Variants in RBM47 observed in about 807,000 individuals in gnomAD.
RBM47 encodes RNA-binding protein 47.
Under a neutral mutation model 47.1 loss-of-function variants are expected in RBM47, and 21 were observed. The observed-to-expected ratio is 0.45, with a 90% CI of 0.32 to 0.64. The LOEUF is 0.64. RBM47 is among the 30% of genes least tolerant of loss of function. The pLI is 0.05. For synonymous variants in RBM47, 375 were observed against 361.7 expected, an observed-to-expected ratio of 1.04 and a Z score of -0.42; for missense variants, 708 against 870.9, an observed-to-expected ratio of 0.81 and a Z score of 2.35.
At chr4:40,500,775 A>T (rs1723253198) in intron 2 of RBM47, among the ~76,000 whole-genome samples, 1 of 152,216 alleles carries the variant, frequency 6.6e-6, no homozygotes, top group South Asian at 2.1e-4. Context: ...ATTTTAAAAA[A>T]TAATTTAGCA....
intron 2 of RBM47, among the ~76,000 whole-genome samples, chr4:40,528,272 G>A (rs1577889079): frequency 2.0e-5 from 3 of 152,076 alleles, no homozygotes; most frequent in South Asian, 4.1e-4. Context: ...TTAGTTGGGC[G>A]TGGTGGCACG....
chr4:40,499,993 T>A (rs1484121979), intron 2 of RBM47, among the ~76,000 whole-genome samples: 1 of 152,220 alleles, frequency 6.6e-6, no homozygotes, highest in Non-Finnish European at 1.5e-5. Flanking sequence ...TAGCTGTGCT[T>A]AAACAATTCT....
chr4:40,482,188 C>T (rs931127189), intron 2 of RBM47, among the ~76,000 whole-genome samples: 1 of 152,202 alleles, frequency 6.6e-6, no homozygotes, highest in Non-Finnish European at 1.5e-5. Flanking sequence ...ATTGCTAAGA[C>T]AGATCAGAGT....
intron 1 of RBM47, among the ~76,000 whole-genome samples, chr4:40,550,916 A>C (rs1729503259): frequency 6.6e-6 from 1 of 152,186 alleles, no homozygotes. Context: ...GCAAAAAAAA[A>C]AAAACTTCCT....
At chr4:40,431,622 C>A (rs909446075) in intron 6 of RBM47, among the ~76,000 whole-genome samples, 1 of 148,180 alleles carries the variant, frequency 6.7e-6, no homozygotes. Context: ...GGCGCCACTG[C>A]GCTCCAGCCT....
At chr4:40,548,988 A>T (rs1321886707) in intron 1 of RBM47, among the ~76,000 whole-genome samples, 1 of 151,692 alleles carries the variant, frequency 6.6e-6, no homozygotes, top group East Asian at 2.0e-4. Flanking sequence ...ATTATGATCA[A>T]TGAGAAAATG....
chr4:40,468,222 G>A (rs1296080092), intron 2 of RBM47, among the ~76,000 whole-genome samples: 6 of 152,166 alleles, frequency 3.9e-5, no homozygotes, highest in Non-Finnish European at 5.9e-5. Flanking sequence ...GGGATGCGGA[G>A]GCTGCAGTGA....
At chr4:40,542,944 G>A (rs776116678) in intron 2 of RBM47, 2 of 152,188 alleles carry the variant, frequency 1.3e-5, no homozygotes, top group African/African-American at 2.4e-5. Context: ...AAGTAGCCCT[G>A]TGGGGACAGC....
At chr4:40,584,181 T>C (rs1733313369) in intron 1 of RBM47, among the ~76,000 whole-genome samples, 1 of 152,136 alleles carries the variant, frequency 6.6e-6, no homozygotes, top group Non-Finnish European at 1.5e-5. Flanking sequence ...CCAGGCTGGT[T>C]TTGATCTACT....
At chr4:40,508,216 G>A (rs1724392882) in intron 2 of RBM47, among the ~76,000 whole-genome samples, 1 of 152,200 alleles carries the variant, frequency 6.6e-6, no homozygotes, top group East Asian at 1.9e-4. Context: ...CAGCCTCACT[G>A]TAAAGTCATA....
intron 1 of RBM47, among the ~76,000 whole-genome samples, chr4:40,612,289 T>C (rs62301881): frequency 0.11 from 16,571 of 152,234 alleles, 978 homozygotes; most frequent in South Asian, 0.12. Flanking sequence ...CCCAGCACTT[T>C]GGAAGGCCGA....
At chr4:40,593,468 G>C (rs1159347414) in intron 1 of RBM47, among the ~76,000 whole-genome samples, 1 of 152,082 alleles carries the variant, frequency 6.6e-6, no homozygotes, top group African/African-American at 2.4e-5. Context: ...CCTGCCAAGG[G>C]AATCGCTTAG....
intron 2 of RBM47, among the ~76,000 whole-genome samples, chr4:40,467,628 A>G (rs953593900): frequency 1.3e-5 from 2 of 152,064 alleles, no homozygotes; most frequent in Non-Finnish European, 2.9e-5. Context: ...TCGCATGGAG[A>G]GGCCCATGAA....
At chr4:40,494,511 T>C (rs1359315101) in intron 2 of RBM47, among the ~76,000 whole-genome samples, 1 of 152,174 alleles carries the variant, frequency 6.6e-6, no homozygotes, top group Non-Finnish European at 1.5e-5. Context: ...GTCAGTAATC[T>C]GTGGGAGGGC....
chr4:40,545,685 A>ATAAATAAAT (rs1553899574), intron 1 of RBM47, among the ~76,000 whole-genome samples: 6 of 150,624 alleles, frequency 4.0e-5, no homozygotes, highest in Admixed American at 4.0e-4. Context: ...AAATAAATAA[A>ATAAATAAAT]TAAATAAATA....
In RBM47 at chr4:40,438,362, C is replaced by T. The variant is rs2154213457; in HGVS notation, c.532G>A (p.Val178Met). 2 of 1,612,132 alleles carry T rather than the reference C, an allele frequency of 1.2e-6. No individual in the cohort carries two copies. Among genetic ancestry groups the T allele is most frequent in the Non-Finnish European group, 8.5e-7 (1 of 1,179,964 alleles). ...CTGGCGTAGACGATCACGTCCAGCA[C>T]GCCCTCGGTGACCTTGGCAATCTCC... ...LEEIAKVTEGVLDVIVYASAA... is the reference protein window; with the variant it reads ...LEEIAKVTEGMLDVIVYASAA... Residue 178 changes from valine to methionine, a missense_variant, in exon 4 of 7, where the codon GTG becomes ATG. Coordinates refer to ENST00000295971, the MANE Select transcript of RBM47 (RefSeq NM_001098634.2).
chr4:40,599,055 G>A (rs986156948), intron 1 of RBM47, among the ~76,000 whole-genome samples: 3 of 151,990 alleles, frequency 2.0e-5, no homozygotes, highest in Non-Finnish European at 1.5e-5. Flanking sequence ...AGGAGTTCAA[G>A]ACCAGCCCGG....
chr4:40,433,191 G>A (rs1194212125), intron 5 of RBM47, among the ~76,000 whole-genome samples: 1 of 152,090 alleles, frequency 6.6e-6, no homozygotes, highest in Non-Finnish European at 1.5e-5. Context: ...GAACTCCTGA[G>A]CTCAAGCGAT....
chr4:40,436,002 C>CAAAA (rs11452583), intron 5 of RBM47, among the ~76,000 whole-genome samples: 4 of 111,310 alleles, frequency 3.6e-5, no homozygotes, highest in South Asian at 3.2e-4. Flanking sequence ...ACTAAAAATA[C>CAAAA]AAAAAAAAAA....
Sources: gnomAD v4.1 joint callset for allele counts (sites outside exome capture counted in the v4.1 genomes callset) on GRCh38, gnomAD v4.1.1 for gene constraint, MANE v1.5 for transcripts, NCBI Gene and HGNC (gene_info 2026-07-23, HGNC 2026-07-21) for gene names.